Variants in SCN10A observed in about 807,000 individuals in gnomAD.
SCN10A encodes the protein sodium voltage-gated channel alpha subunit 10, also known as sodium channel protein type 10 subunit alpha.
Under a neutral mutation model 170.7 loss-of-function variants are expected in SCN10A, and 162 were observed. That is an observed-to-expected ratio of 0.95 (90% confidence interval 0.84 to 1.08). The LOEUF is 1.08. Among genes scored for constraint, SCN10A ranks in the 50% least tolerant of loss-of-function variants. SCN10A has a pLI of 0.00. For synonymous variants in SCN10A, 985 were observed against 904.6 expected (o/e 1.09, Z -1.59); for missense variants, 2,527 against 2,436.9 (o/e 1.04, Z -0.78).
At chr3:38,803,465 C>T (rs1303309103) in intron 1 of SCN10A, among the ~76,000 whole-genome samples, 1 of 152,086 alleles carries the variant, frequency 6.6e-6, no homozygotes, top group East Asian at 1.9e-4. Context: ...GAATACTATG[C>T]AGCCATAAAA....
intron 11 of SCN10A, among the ~76,000 whole-genome samples, chr3:38,754,331 G>A (rs1355176998): frequency 2.6e-5 from 4 of 152,202 alleles, no homozygotes; most frequent in Non-Finnish European, 5.9e-5. Context: ...ACACATAGCT[G>A]TGTTTATATC....
intron 1 of SCN10A, among the ~76,000 whole-genome samples, chr3:38,811,531 G>A (rs944729597): frequency 6.6e-6 from 1 of 151,620 alleles, no homozygotes; most frequent in Non-Finnish European, 1.5e-5. Context: ...TAGTGCTCAA[G>A]AACAAAGGAA....
rs1011588250 is a variant in SCN10A at position 38,773,907 on chromosome 3, A to G, written c.471-2500T>C. Among the ~76,000 whole-genome samples the G allele has an allele frequency of 3.3e-5, 5 of 152,186 alleles. No homozygotes were observed. The East Asian group carries it at 7.7e-4, about 23-fold the overall frequency. On this transcript the variant is annotated intron_variant, in intron 4 of 27. Transcript: ENST00000449082. ...AATTGAAAAATTAAAAATTAGTATT[A>G]TGAGTATATTATTGGAGATAGGGAG...
chr3:38,697,621 G>T lies in SCN10A; in HGVS notation c.5599C>A (p.Leu1867Met). The T allele has an allele frequency of 6.2e-7, 1 of 1,614,188 alleles. No individual in the cohort carries two copies. Among genetic ancestry groups the T allele is most frequent in the Non-Finnish European group, 8.5e-7 (1 of 1,180,012 alleles). Residue 1867 changes from leucine (L) to methionine (M), a missense_variant, in exon 28 of 28, where the codon CTG (leucine) becomes ATG (methionine). Physicochemically the swap from Leu to Met is conservative, Grantham distance 15 (BLOSUM62 2). Transcript: ENST00000449082. The part of the protein sequence containing the change: ...VIQKAYRSYV[L>M]HRSMALSNTP... Reference sequence around the variant, plus strand: ...TTAGAGAGTGCCATGGAGCGGTGCAGCACATAGCTCCGATAGGCCTTTTGA... The same window carrying T: ...TTAGAGAGTGCCATGGAGCGGTGCATCACATAGCTCCGATAGGCCTTTTGA...
intron 15 of SCN10A, among the ~76,000 whole-genome samples, chr3:38,729,251 G>A (rs533453573): frequency 3.7e-4 from 56 of 152,048 alleles, no homozygotes; most frequent in Non-Finnish European, 7.4e-4. Flanking sequence ...GGTGTGATGG[G>A]GCTCACAAAT....
chr3:38,699,242 T>C (rs568762604), intron 27 of SCN10A, among the ~76,000 whole-genome samples: 94 of 151,590 alleles, frequency 6.2e-4, no homozygotes, highest in Admixed American at 9.9e-4. Flanking sequence ...TTGAACTTTA[T>C]GTTAGGGCCT....
At chr3:38,731,158 CA>C (rs2063509883) in intron 15 of SCN10A, among the ~76,000 whole-genome samples, 1 of 152,202 alleles carries the variant, frequency 6.6e-6, no homozygotes, top group Admixed American at 6.5e-5. Context: ...GCTGACTGCT[CA>C]TTAGCAACAA....
At position 38,718,675 on chromosome 3, in the gene SCN10A, C is replaced by G. The variant is rs2063357216; in HGVS notation, c.3659G>C (p.Trp1220Ser). Residue 1220 changes from tryptophan (W) to serine (S), a missense_variant, in exon 21 of 28, where the codon TGG (tryptophan) becomes TCG (serine). Physicochemically the swap from Trp to Ser is radical, Grantham distance 177. Coordinates refer to ENST00000449082, the MANE Select transcript of SCN10A (RefSeq NM_006514.4). ...CACATTCACAATGAGGAAGTCCAGCCAGCACCAGGCATTGGTGAAGTACTT... is the reference window on the plus strand; with the variant it reads ...CACATTCACAATGAGGAAGTCCAGCGAGCACCAGGCATTGGTGAAGTACTT... ...FKKYFTNAWC[W>S]LDFLIVNISL... is the part of the protein sequence containing the mutation. The G allele has an allele frequency of 6.2e-7, 1 of 1,614,092 alleles. No individual in the cohort carries two copies. The highest frequency in any genetic ancestry group is 1.7e-5 in the Admixed American group (1 of 60,012).
Position 38,728,819 on chromosome 3 carries a change from C to G in SCN10A, c.2363G>C (p.Gly788Ala). ...GATGGCCAGGATGATGGTGAGGTTCCCCAGTGCCCCCACTGAGTTTCCGAT... is the reference window on the plus strand; with the variant it reads ...GATGGCCAGGATGATGGTGAGGTTCGCCAGTGCCCCCACTGAGTTTCCGAT... ...KIIGNSVGAL[G>A]NLTIILAIIV... Residue 788 changes from glycine to alanine, a missense_variant, in exon 16 of 28, where the codon GGG (glycine) becomes GCG (alanine). Coordinates refer to ENST00000449082, the MANE Select transcript of SCN10A (RefSeq NM_006514.4). 6.2e-7 allele frequency: 1 copy of G among 1,614,106 alleles called. No individual in the cohort carries two copies. Among genetic ancestry groups the G allele is most frequent in the Non-Finnish European group, 8.5e-7 (1 of 1,180,014 alleles).
intron 20 of SCN10A, among the ~76,000 whole-genome samples, chr3:38,721,400 C>T (rs2063388381): frequency 6.6e-6 from 1 of 152,216 alleles, no homozygotes; most frequent in East Asian, 1.9e-4. Flanking sequence ...GCTTTGACTT[C>T]CTCATTTAGA....
At chr3:38,720,325 G>A (rs567863701) in intron 20 of SCN10A, among the ~76,000 whole-genome samples, 3 of 152,342 alleles carry the variant, frequency 2.0e-5, no homozygotes, top group African/African-American at 4.8e-5. Flanking sequence ...TGAGAAAAAT[G>A]TACTGAGGTT....
rs1245340133 is a variant in SCN10A at position 38,723,558 on chromosome 3, A to C, written c.3229-5T>G. ...GGAGCTTGTGTCGTCCACTCCCTGC[A>C]GGGGAGAAGCCCAGGGCAGTGAACT... On this transcript the variant is annotated splice_polypyrimidine_tract_variant and splice_region_variant and intron_variant, in intron 18 of 27. Transcript: ENST00000449082. 1 of 1,581,568 alleles carries C rather than the reference A, an allele frequency of 6.3e-7. No individual in the cohort carries two copies. Among genetic ancestry groups the C allele is most frequent in the Non-Finnish European group, 8.6e-7 (1 of 1,162,894 alleles).
At chr3:38,775,309 C>T (rs1020041973) in intron 4 of SCN10A, among the ~76,000 whole-genome samples, 8 of 152,094 alleles carry the variant, frequency 5.3e-5, no homozygotes, top group Non-Finnish European at 1.0e-4. Flanking sequence ...GTTCTAGGTA[C>T]CTACTAAAGG....
At chr3:38,809,259 G>A (rs928460467) in intron 1 of SCN10A, among the ~76,000 whole-genome samples, 8 of 151,772 alleles carry the variant, frequency 5.3e-5, no homozygotes, top group Non-Finnish European at 1.2e-4. Flanking sequence ...GCAACTTTTG[G>A]AGGAATTAGA....
chr3:38,760,766 GAA>G lies in SCN10A; in HGVS notation c.884-21_884-20del. ...ATATCTGCTGAAGAAAGGAAGAAAAGAAAGCCTCACAGATGGTTCTGAACCCT... is the reference window on the plus strand; with the variant it reads ...ATATCTGCTGAAGAAAGGAAGAAAAGAGCCTCACAGATGGTTCTGAACCCT... On this transcript the variant is annotated intron_variant, in intron 7 of 27. Transcript: ENST00000449082. 5.0e-6 allele frequency: 8 copies of G among 1,602,862 alleles called. No homozygotes were observed. The highest frequency in any genetic ancestry group is 6.8e-6 in the Non-Finnish European group (8 of 1,170,178).
chr3:38,759,211 GC>G (rs2126030497), intron 8 of SCN10A, among the ~76,000 whole-genome samples: 1 of 152,250 alleles, frequency 6.6e-6, no homozygotes, highest in African/African-American at 2.4e-5. Context: ...TGTGAGCTCT[GC>G]TTTTCCAAGC....
At chr3:38,707,713 C>CTGTT (rs1387394214) in intron 25 of SCN10A, among the ~76,000 whole-genome samples, 2 of 152,178 alleles carry the variant, frequency 1.3e-5, no homozygotes, top group Non-Finnish European at 2.9e-5. Flanking sequence ...TGGATCTAGC[C>CTGTT]TGTTCATTCC....
Position 38,701,844 on chromosome 3 carries a change from A to G in SCN10A, c.4652T>C (p.Ile1551Thr). The part of the protein sequence containing the change: ...VFDFIVVVLS[I>T]ASLIFSAILK... The stretch of plus-strand genomic sequence containing the variant: ...CCACGTGGCTGCCCACTTACTCGCA[A>G]TGGAGAGAACCACCACAATGAAGTC... Residue 1551 changes from isoleucine (I) to threonine (T), a missense_variant, in exon 27 of 28, where the codon ATT becomes ACT. By Grantham distance (89) the Ile-to-Thr change is moderately conservative. Coordinates refer to ENST00000449082, the MANE Select transcript of SCN10A (RefSeq NM_006514.4). 6.2e-7 allele frequency: 1 copy of G among 1,602,626 alleles called. No individual in the cohort carries two copies. Among genetic ancestry groups the G allele is most frequent in the Non-Finnish European group, 8.5e-7 (1 of 1,173,442 alleles).
At chr3:38,746,985 T>A (rs2126018949) in intron 13 of SCN10A, among the ~76,000 whole-genome samples, 1 of 152,290 alleles carries the variant, frequency 6.6e-6, no homozygotes, top group African/African-American at 2.4e-5. Flanking sequence ...CTTAAAGAGG[T>A]GGCCTTTATA....
Sources: allele counts gnomAD v4.1 joint callset (sites outside exome capture counted in the v4.1 genomes callset), GRCh38; gene constraint gnomAD v4.1.1; transcripts MANE v1.5; gene names NCBI Gene and HGNC (gene_info 2026-07-23, HGNC 2026-07-21).